The following DCLK1 variants were observed in gnomAD, a reference collection of about 807,000 sequenced individuals.
The protein encoded by DCLK1 is serine/threonine-protein kinase DCLK1.
Under a neutral mutation model 86.2 loss-of-function variants are expected in DCLK1, and 16 were observed. The observed-to-expected ratio is 0.19, with a 90% confidence interval of 0.13 to 0.28. The LOEUF is 0.28. Among genes scored for constraint, DCLK1 ranks in the 10% least tolerant of loss-of-function variants. The pLI is 1.00. For synonymous variants in DCLK1, 369 were observed against 370.5 expected, an observed-to-expected ratio of 1.00 and a Z score of 0.05; for missense variants, 590 against 940.2, an observed-to-expected ratio of 0.63 and a Z score of 4.87.
rs774488296 is a variant in DCLK1 at position 35,774,663 on chromosome 13, G to C, written c.2095C>G (p.Arg699Gly). 5.0e-6 allele frequency: 8 copies of C among 1,611,114 alleles called. No individual in the cohort carries two copies. The highest frequency in any genetic ancestry group is 6.8e-6 in the Non-Finnish European group (8 of 1,178,904). Residue 699 changes from arginine to glycine, a missense_variant, in exon 17 of 17, where the codon CGA (arginine) becomes GGA (glycine). Physicochemically the swap from Arg to Gly is moderately radical, Grantham distance 125. Coordinates refer to ENST00000360631, the MANE Select transcript of DCLK1 (RefSeq NM_001330071.2). ...CTCCTCACATCCTGGTTGCGTCTTC[G>C]TCGGAAAACCTGCCTCTCCTTATCA... is the stretch of plus-strand genomic sequence containing the variant. ...ALDKERQVFR[R>G]RRNQDVRSRY...
intron 4 of DCLK1, among the ~76,000 whole-genome samples, chr13:35,932,930 C>A (rs528076118): frequency 6.6e-6 from 1 of 152,316 alleles, no homozygotes; most frequent in South Asian, 2.1e-4. Context: ...AGTCCAAAGT[C>A]TCATCTGAGA....
At chr13:35,776,489 G>A (rs1181680201) in intron 16 of DCLK1, among the ~76,000 whole-genome samples, 4 of 152,168 alleles carry the variant, frequency 2.6e-5, no homozygotes, top group Non-Finnish European at 5.9e-5. Context: ...CAGATGTGGG[G>A]AAGAAAAGCA....
At chr13:35,966,503 T>G in intron 3 of DCLK1, among the ~76,000 whole-genome samples, 1 of 73,292 alleles carries the variant, frequency 1.4e-5, no homozygotes, top group South Asian at 5.8e-4. Context: ...CCCCTCCCCC[T>G]CCCCCTCCCC....
intron 3 of DCLK1, among the ~76,000 whole-genome samples, chr13:36,017,830 C>T (rs1881601876): frequency 6.6e-6 from 1 of 152,148 alleles, no homozygotes. Context: ...CTTACACACA[C>T]ATGCATGCAC....
chr13:35,875,449 A>G (rs1179422250), intron 4 of DCLK1, among the ~76,000 whole-genome samples: 1 of 152,226 alleles, frequency 6.6e-6, no homozygotes, highest in Non-Finnish European at 1.5e-5. Context: ...AGCTGTGGCT[A>G]TAACTACCAA....
intron 3 of DCLK1, among the ~76,000 whole-genome samples, chr13:36,080,433 T>C (rs895594055): frequency 3.3e-5 from 5 of 152,204 alleles, no homozygotes; most frequent in African/African-American, 1.2e-4. Flanking sequence ...CGGGTTATCT[T>C]ACATAGGTCA....
intron 1 of DCLK1, among the ~76,000 whole-genome samples, chr13:36,127,372 G>T (rs1389828260): frequency 6.6e-6 from 1 of 152,140 alleles, no homozygotes; most frequent in African/African-American, 2.4e-5. Flanking sequence ...ACATTTCTTG[G>T]TTCTTCCTTT....
intron 3 of DCLK1, among the ~76,000 whole-genome samples, chr13:36,052,787 A>C (rs1345722456): frequency 6.6e-6 from 1 of 152,206 alleles, no homozygotes; most frequent in East Asian, 1.9e-4. Flanking sequence ...TGGGTAAATG[A>C]GTGCATATGC....
chr13:35,959,433 T>C (rs1029473192), intron 3 of DCLK1, among the ~76,000 whole-genome samples: 1 of 152,146 alleles, frequency 6.6e-6, no homozygotes, highest in Non-Finnish European at 1.5e-5. Context: ...GGGACTGCAC[T>C]GACCTGGAAC....
chr13:35,964,794 A>C (rs1354552034), intron 3 of DCLK1, among the ~76,000 whole-genome samples: 2 of 152,100 alleles, frequency 1.3e-5, no homozygotes, highest in Non-Finnish European at 2.9e-5. Context: ...AAAAAAAAAA[A>C]AAAACTCAAG....
At chr13:36,000,693 T>A (rs1048392131) in intron 3 of DCLK1, among the ~76,000 whole-genome samples, 2 of 152,142 alleles carry the variant, frequency 1.3e-5, no homozygotes, top group Admixed American at 6.5e-5. Flanking sequence ...CCATCAAGAA[T>A]AATCACAACC....
intron 3 of DCLK1, among the ~76,000 whole-genome samples, chr13:36,040,500 C>T (rs1882664626): frequency 1.3e-5 from 2 of 151,266 alleles, no homozygotes; most frequent in African/African-American, 4.9e-5. Flanking sequence ...TAAGTGCATA[C>T]TGTCAAGAGT....
intron 4 of DCLK1, among the ~76,000 whole-genome samples, chr13:35,928,287 C>T (rs1054258650): frequency 3.3e-5 from 5 of 152,150 alleles, no homozygotes; most frequent in African/African-American, 1.2e-4. Flanking sequence ...GGTGTTGGAA[C>T]TGCCCTCAGC....
intron 3 of DCLK1, among the ~76,000 whole-genome samples, chr13:36,060,740 A>T (rs961337977): frequency 6.6e-6 from 1 of 152,192 alleles, no homozygotes; most frequent in African/African-American, 2.4e-5. Context: ...ACTTTCTCTC[A>T]AAAAATTTAG....
chr13:35,849,823 T>G (rs1453142396), intron 6 of DCLK1: 2 of 985,088 alleles, frequency 2.0e-6, no homozygotes, highest in African/African-American at 3.5e-5. Flanking sequence ...TCAAATGGAT[T>G]TCTTGGAAAA....
chr13:35,812,153 C>T (rs1237641606), intron 11 of DCLK1, among the ~76,000 whole-genome samples: 2 of 152,094 alleles, frequency 1.3e-5, no homozygotes, highest in Admixed American at 1.3e-4. Flanking sequence ...ATTCCAGCCA[C>T]GATCAAAACA....
intron 4 of DCLK1, among the ~76,000 whole-genome samples, chr13:35,901,219 G>A (rs1243633217): frequency 2.0e-5 from 3 of 152,150 alleles, no homozygotes; most frequent in African/African-American, 7.2e-5. Context: ...AGGCATGGTG[G>A]CTTACGCCTG....
chr13:36,104,288 C>T (rs1242898921), intron 3 of DCLK1, among the ~76,000 whole-genome samples: 4 of 152,198 alleles, frequency 2.6e-5, no homozygotes, highest in Admixed American at 2.6e-4. Flanking sequence ...GTCAATCATC[C>T]AGCTACTTAG....
chr13:35,801,930 C>A (rs1353675026), intron 15 of DCLK1, among the ~76,000 whole-genome samples: 1 of 152,178 alleles, frequency 6.6e-6, no homozygotes, highest in Non-Finnish European at 1.5e-5. Context: ...AAGTTATCTT[C>A]TAGCAAACAT....
Sources: gnomAD v4.1 joint callset for allele counts (sites outside exome capture counted in the v4.1 genomes callset) on GRCh38, gnomAD v4.1.1 for gene constraint, MANE v1.5 for transcripts, NCBI Gene and HGNC (gene_info 2026-07-23, HGNC 2026-07-21) for gene names.